The following CLSTN2 variants were observed in gnomAD, a reference collection of about 807,000 sequenced individuals.
The protein encoded by CLSTN2 is calsyntenin 2, also known as calsyntenin-2.
Under a neutral mutation model 101.2 loss-of-function variants are expected in CLSTN2, and 48 were observed. The observed-to-expected ratio is 0.47, with a 90% CI of 0.38 to 0.60. The LOEUF is 0.60. Among genes scored for constraint, CLSTN2 ranks in the 20% least tolerant of loss-of-function variants. The pLI is 0.00. For synonymous variants in CLSTN2, 481 were observed against 463.6 expected (o/e 1.04, Z -0.48); for missense variants, 1,160 against 1,238.2 (o/e 0.94, Z 0.95).
At chr3:140,128,441 G>T (rs2107802879) in intron 1 of CLSTN2, among the ~76,000 whole-genome samples, 1 of 152,298 alleles carries the variant, frequency 6.6e-6, no homozygotes, top group African/African-American at 2.4e-5. Flanking sequence ...GTAGTATGAG[G>T]AGAGGTTAAT....
At chr3:139,980,742 A>G (rs1935900167) in intron 1 of CLSTN2, among the ~76,000 whole-genome samples, 2 of 152,144 alleles carry the variant, frequency 1.3e-5, no homozygotes, top group Non-Finnish European at 2.9e-5. Context: ...GTGCCACCAC[A>G]AGTAGGCACT....
At chr3:140,348,897 C>T (rs1189127284) in intron 2 of CLSTN2, among the ~76,000 whole-genome samples, 1 of 152,226 alleles carries the variant, frequency 6.6e-6, no homozygotes, top group Non-Finnish European at 1.5e-5. Context: ...CTGCTTCTGG[C>T]ACAAATAGAA....
chr3:140,456,377 G>A (rs530425936), intron 6 of CLSTN2, among the ~76,000 whole-genome samples: 2 of 152,132 alleles, frequency 1.3e-5, no homozygotes, highest in South Asian at 2.1e-4. Flanking sequence ...GAATCTTAAC[G>A]ATATTCACCG....
intron 1 of CLSTN2, among the ~76,000 whole-genome samples, chr3:140,088,681 C>A (rs72984148): frequency 6.6e-6 from 1 of 152,314 alleles, no homozygotes; most frequent in African/African-American, 2.4e-5. Context: ...ACTGAGGTTC[C>A]TCGGAGACTG....
At chr3:139,955,139 T>TATATATATATATATATA (rs1935370868) in intron 1 of CLSTN2, among the ~76,000 whole-genome samples, 7 of 139,858 alleles carry the variant, frequency 5.0e-5, no homozygotes, top group African/African-American at 8.2e-5. Context: ...TATATATATA[T>TATATATATATATATATA]GGCAATTCCA....
chr3:140,456,837 T>C (rs1487173389), intron 6 of CLSTN2, among the ~76,000 whole-genome samples: 1 of 152,050 alleles, frequency 6.6e-6, no homozygotes, highest in East Asian at 1.9e-4. Context: ...GTTACATAAA[T>C]ATTGGATATA....
chr3:140,257,297 G>A (rs1303288152), intron 2 of CLSTN2, among the ~76,000 whole-genome samples: 1 of 152,118 alleles, frequency 6.6e-6, no homozygotes, highest in Non-Finnish European at 1.5e-5. Flanking sequence ...AAAGTATTTA[G>A]GTGAAAAGTG....
intron 2 of CLSTN2, among the ~76,000 whole-genome samples, chr3:140,323,880 C>CT (rs2087306758): frequency 6.6e-6 from 1 of 152,208 alleles, no homozygotes; most frequent in African/African-American, 2.4e-5. Context: ...TGTCCTGAGA[C>CT]TAAGCTCTTG....
intron 1 of CLSTN2, among the ~76,000 whole-genome samples, chr3:139,990,046 G>T (rs1285870401): frequency 6.6e-6 from 1 of 152,150 alleles, no homozygotes; most frequent in Non-Finnish European, 1.5e-5. Flanking sequence ...CCCATCCTTT[G>T]TCCACATCCT....
intron 5 of CLSTN2, among the ~76,000 whole-genome samples, chr3:140,444,580 A>C (rs189392218): frequency 6.6e-6 from 1 of 152,250 alleles, no homozygotes. Flanking sequence ...GCACCTTGTC[A>C]GTGCTTAGTC....
intron 4 of CLSTN2, among the ~76,000 whole-genome samples, chr3:140,408,336 G>A (rs2088327889): frequency 6.6e-6 from 1 of 152,146 alleles, no homozygotes; most frequent in Admixed American, 6.5e-5. Flanking sequence ...AGATCAGCAT[G>A]GCTGAGACAT....
At chr3:139,991,843 CCT>C (rs1560063820) in intron 1 of CLSTN2, among the ~76,000 whole-genome samples, 2 of 152,164 alleles carry the variant, frequency 1.3e-5, no homozygotes, top group Non-Finnish European at 2.9e-5. Flanking sequence ...TGTTATATAG[CCT>C]CTGTCTCTCA....
At chr3:140,391,367 G>A (rs576257220) in intron 2 of CLSTN2, among the ~76,000 whole-genome samples, 5 of 144,026 alleles carry the variant, frequency 3.5e-5, no homozygotes, top group Admixed American at 6.8e-5. Context: ...CACTATTTGC[G>A]TGGGGGGGTG....
At chr3:140,486,914 G>A (rs1934252248) in intron 8 of CLSTN2, among the ~76,000 whole-genome samples, 1 of 152,132 alleles carries the variant, frequency 6.6e-6, no homozygotes, top group Non-Finnish European at 1.5e-5. Context: ...TTTGGACCTG[G>A]GAAAGTAAGA....
intron 7 of CLSTN2, among the ~76,000 whole-genome samples, chr3:140,463,972 A>T (rs1933625563): frequency 6.6e-6 from 1 of 152,126 alleles, no homozygotes; most frequent in South Asian, 2.1e-4. Flanking sequence ...CGCAAGCACA[A>T]ATGTCCCAGC....
At chr3:140,194,189 G>A (rs2010612133) in intron 2 of CLSTN2, among the ~76,000 whole-genome samples, 1 of 152,136 alleles carries the variant, frequency 6.6e-6, no homozygotes, top group Non-Finnish European at 1.5e-5. Context: ...ATTTTTTGTA[G>A]TTCTGGAGTT....
At chr3:140,016,176 G>C (rs1279933161) in intron 1 of CLSTN2, among the ~76,000 whole-genome samples, 2 of 152,216 alleles carry the variant, frequency 1.3e-5, no homozygotes, top group African/African-American at 4.8e-5. Flanking sequence ...CCTTTTAAGA[G>C]CTCTAGGAGC....
At chr3:140,050,333 A>G (rs1299286304) in intron 1 of CLSTN2, among the ~76,000 whole-genome samples, 2 of 152,208 alleles carry the variant, frequency 1.3e-5, no homozygotes, top group African/African-American at 2.4e-5. Flanking sequence ...GATGTTTACT[A>G]TGTTGAGCCA....
chr3:140,523,176 T>C (rs1426127208), intron 8 of CLSTN2, among the ~76,000 whole-genome samples: 2 of 152,182 alleles, frequency 1.3e-5, no homozygotes, highest in Admixed American at 1.3e-4. Context: ...AGGTGACTTA[T>C]TCCAAAGTGG....
Sources: allele counts gnomAD v4.1 joint callset (sites outside exome capture counted in the v4.1 genomes callset), GRCh38; gene constraint gnomAD v4.1.1; transcripts MANE v1.5; gene names NCBI Gene and HGNC (gene_info 2026-07-23, HGNC 2026-07-21).